The following PSAP variants were observed in gnomAD, a reference collection of about 807,000 sequenced individuals.
PSAP encodes the protein prosaposin, also known as precursor of saposins.
In PSAP, 25 loss-of-function variants were observed where a neutral mutation model predicts 66.0. That is an observed-to-expected ratio of 0.38 (90% CI 0.28 to 0.53). PSAP has a LOEUF of 0.53. Among genes scored for constraint, PSAP ranks in the 20% least tolerant of loss-of-function variants. The pLI, the probability that PSAP is intolerant of heterozygous loss-of-function variation, is 0.83. For missense variants in PSAP, 649 were observed against 668.8 expected (o/e 0.97, Z 0.33); for synonymous variants, 273 against 258.9 (o/e 1.05, Z -0.52).
At chr10:71,834,343 G>A (rs757269465) in intron 2 of PSAP, 29 bp downstream of exon 2, 50 of 1,612,600 alleles carry the variant, frequency 3.1e-5, no homozygotes, top group Middle Eastern at 1.7e-4. Context: ...GGAGTGCTGC[G>A]GCTGGGACTG....
At chr10:71,823,177 C>T (rs369970764) in intron 7 of PSAP, among the ~76,000 whole-genome samples, 1 of 152,142 alleles carries the variant, frequency 6.6e-6, no homozygotes, top group African/African-American at 2.4e-5. Flanking sequence ...AATGCTAATC[C>T]TAGCAGATGG....
intron 1 of PSAP, among the ~76,000 whole-genome samples, chr10:71,839,837 G>A (rs970335433): frequency 2.0e-5 from 3 of 152,160 alleles, no homozygotes; most frequent in Non-Finnish European, 2.9e-5. Context: ...CTGGGCGACA[G>A]AGCGAGACTC....
chr10:71,820,304 T>G lies in PSAP; in HGVS notation c.941A>C (p.Tyr314Ser). ...CACCAGGAATTCACACACCTCACAGTAAACATCAGACTTTGCTGGGACCTC... is the reference window on the plus strand; with the variant it reads ...CACCAGGAATTCACACACCTCACAGGAAACATCAGACTTTGCTGGGACCTC... ...KHEVPAKSDV[Y>S]CEVCEFLVKE... The change falls in exon 9 of 14, where the codon TAC (tyrosine) becomes TCC (serine). Residue 314 changes from tyrosine to serine, a missense_variant. Physicochemically the swap from Tyr to Ser is moderately radical, Grantham distance 144. Transcript: ENST00000394936. 1 of 1,614,134 alleles carries G rather than the reference T, an allele frequency of 6.2e-7. No individual in the cohort carries two copies. Among genetic ancestry groups the G allele is most frequent in the African/African-American group, 1.3e-5 (1 of 75,040 alleles).
At chr10:71,821,647 G>A (rs370387871) in intron 8 of PSAP, among the ~76,000 whole-genome samples, 5 of 152,174 alleles carry the variant, frequency 3.3e-5, no homozygotes, top group African/African-American at 1.2e-4. Context: ...ATGATCCCAC[G>A]AACATTAGGG....
At chr10:71,826,011 T>C (rs1842394134) in intron 6 of PSAP, 118 bp from the exon 7 acceptor site, 3 of 840,772 alleles carry the variant, frequency 3.6e-6, no homozygotes, top group Non-Finnish European at 6.0e-6. Context: ...AGCAAGTTTC[T>C]AAAGTAGAAT....
intron 11 of PSAP, 70 bp downstream of exon 11, chr10:71,819,395 G>A: frequency 6.3e-7 from 1 of 1,592,856 alleles, no homozygotes; most frequent in Non-Finnish European, 8.6e-7. Context: ...CCATCAAAAT[G>A]TACCCCAGCC....
At chr10:71,829,406 C>T (rs191481307) in intron 4 of PSAP, among the ~76,000 whole-genome samples, 215 of 152,192 alleles carry the variant, frequency 1.4e-3, no homozygotes, top group Admixed American at 4.3e-3. Context: ...AACTGAATCA[C>T]GGGGGCGGGT....
intron 7 of PSAP, chr10:71,823,775 T>A: frequency 1.2e-5 from 9 of 752,336 alleles, no homozygotes; most frequent in Admixed American, 1.2e-4. Flanking sequence ...CTGCCTCTCG[T>A]AACCATTCCT....
chr10:71,827,745 T>C lies in PSAP; in HGVS notation c.720+269A>G, dbSNP rs1343387364. Among the ~76,000 whole-genome samples the C allele has an allele frequency of 3.5e-5, 5 of 144,268 alleles. No individual in the cohort carries two copies. In the South Asian group the frequency reaches 1.1e-3, roughly 32 times the overall value. 94.6% of individuals were successfully genotyped at this position (144,268 alleles called of 152,430 possible). A position where few individuals can be genotyped will look rare whatever the true frequency, so the allele number is the denominator to read the frequency against. On this transcript the variant is annotated intron_variant, in intron 6 of 13. Transcript: ENST00000394936. ...CAGTCTCAAAAAAAAAAAAAAAAAATGGGGGCAAAAAGTATTTCTACAGTG... is the reference window on the plus strand; with the variant it reads ...CAGTCTCAAAAAAAAAAAAAAAAAACGGGGGCAAAAAGTATTTCTACAGTG...
intron 8 of PSAP, 109 bp from the exon 9 acceptor site, chr10:71,820,444 A>T: frequency 1.2e-6 from 1 of 841,286 alleles, no homozygotes; most frequent in Non-Finnish European, 2.1e-6. Flanking sequence ...TAGCACATCA[A>T]GGGCCACTGC....
At chr10:71,837,514 C>T (rs1842648355) in intron 1 of PSAP, among the ~76,000 whole-genome samples, 2 of 152,252 alleles carry the variant, frequency 1.3e-5, no homozygotes, top group Non-Finnish European at 2.9e-5. Context: ...AATCATAAAG[C>T]TCTACAGGCA....
chr10:71,851,138 G>A (rs1361343356), intron 1 of PSAP, 44 bp downstream of exon 1: 2 of 1,547,592 alleles, frequency 1.3e-6, no homozygotes, highest in South Asian at 1.2e-5. Context: ...GCAGATGGAC[G>A]CTGCGAGGCA....
In PSAP at chr10:71,848,007, C is replaced by A. The variant is rs779566515; in HGVS notation, c.40+3175G>T. Among the ~76,000 whole-genome samples, 48 of 152,320 alleles carry A rather than the reference C, an allele frequency of 3.2e-4. No homozygotes were observed. In the Middle Eastern group the frequency reaches 0.017, roughly 54 times the overall value. The stretch of plus-strand genomic sequence containing the variant: ...CAGGGCATCTAAGCTTCAGGGAGCA[C>A]CTGCCACATCCCAGGCACCATCCCT... On this transcript the variant is annotated intron_variant, in intron 1 of 13. Coordinates refer to ENST00000394936, the MANE Select transcript of PSAP (RefSeq NM_002778.4).
intron 3 of PSAP, among the ~76,000 whole-genome samples, chr10:71,831,542 T>C (rs1488791235): frequency 6.6e-6 from 1 of 152,146 alleles, no homozygotes; most frequent in Non-Finnish European, 1.5e-5. Flanking sequence ...CAATACAACA[T>C]CTCAATTAAC....
At chr10:71,850,304 TA>T (rs1268808387) in intron 1 of PSAP, among the ~76,000 whole-genome samples, 1 of 152,228 alleles carries the variant, frequency 6.6e-6, no homozygotes, top group African/African-American at 2.4e-5. Context: ...CTCTGCACAA[TA>T]AAACTTGGTC....
rs772826932 is a variant in PSAP at position 71,828,036 on chromosome 10, A to C, written c.698T>G (p.Leu233Arg). 6.2e-7 allele frequency: 1 copy of C among 1,614,192 alleles called. No individual in the cohort carries two copies. Among genetic ancestry groups the C allele is most frequent in the Non-Finnish European group, 8.5e-7 (1 of 1,180,036 alleles). ...VEHVKEECDR[L>R]GPGMADICKN... The stretch of plus-strand genomic sequence containing the variant: ...CACTATGTCGGCCATGCCAGGGCCC[A>C]GGCGGTCACACTCCTCCTTGACATG... The change falls in exon 6 of 14, where the codon CTG becomes CGG. Residue 233 changes from leucine (L) to arginine (R), a missense_variant. Transcript: ENST00000394936.
At chr10:71,838,930 G>A (rs1439858007) in intron 1 of PSAP, among the ~76,000 whole-genome samples, 1 of 152,096 alleles carries the variant, frequency 6.6e-6, no homozygotes, top group Non-Finnish European at 1.5e-5. Context: ...CTCTAACAAG[G>A]CAGATAACAT....
At chr10:71,820,124 T>A in intron 9 of PSAP, 116 bp downstream of exon 9, 1 of 1,042,022 alleles carries the variant, frequency 9.6e-7, no homozygotes, top group South Asian at 1.3e-5. Flanking sequence ...GATGGGGACA[T>A]GGCTGTACAC....
In PSAP at chr10:71,829,024, C is replaced by G. The variant is rs573587297; in HGVS notation, c.429G>C (p.Lys143Asn). The G allele has an allele frequency of 1.9e-6, 3 of 1,614,162 alleles. No homozygotes were observed. The highest frequency in any genetic ancestry group is 2.2e-5 in the South Asian group (2 of 91,082). Residue 143 changes from lysine to asparagine, a missense_variant, in exon 5 of 14, where the codon AAG becomes AAC. Transcript: ENST00000394936. ...SALNLCESLQ[K>N]HLAELNHQKQ... The stretch of plus-strand genomic sequence containing the variant: ...TCTGGTGATTCAGCTCTGCTAGGTG[C>G]TTCTGGAGAGACTCGCAGAGGTTGA...
Sources: gnomAD v4.1 joint callset for allele counts (sites outside exome capture counted in the v4.1 genomes callset) on GRCh38, gnomAD v4.1.1 for gene constraint, MANE v1.5 for transcripts, NCBI Gene and HGNC (gene_info 2026-07-23, HGNC 2026-07-21) for gene names.